Variants in ELP3 observed in about 807,000 individuals in gnomAD.
ELP3 encodes elongator acetyltransferase complex subunit 3.
In ELP3, 56 loss-of-function variants were observed where a neutral mutation model predicts 74.9. That is an observed-to-expected ratio of 0.75 (90% confidence interval 0.60 to 0.93). ELP3 has a LOEUF of 0.93. Ranked by LOEUF, ELP3 falls within the 40% of genes least tolerant of loss-of-function variation. ELP3 has a pLI of 0.00. For missense variants in ELP3, 573 were observed against 686.5 expected (o/e 0.83, Z 1.85); for synonymous variants, 222 against 239.8 (o/e 0.93, Z 0.68).
At chr8:28,172,499 A>T (rs1253779251) in intron 14 of ELP3, among the ~76,000 whole-genome samples, 1 of 152,100 alleles carries the variant, frequency 6.6e-6, no homozygotes, top group Non-Finnish European at 1.5e-5. Flanking sequence ...ATTTTGTATT[A>T]TGCAACTTTG....
upstream of ELP3, among the ~76,000 whole-genome samples, chr8:28,092,119 C>T (rs1811069339): frequency 2.0e-5 from 3 of 152,188 alleles, no homozygotes; most frequent in Admixed American, 6.5e-5. Context: ...TCCCTGTGAG[C>T]AACTCCTCTG....
rs929404859 is a variant in ELP3 at position 28,110,408 on chromosome 8, T to A, written c.432T>A (p.Pro144=). 8 of 1,613,960 alleles carry A rather than the reference T, an allele frequency of 5.0e-6. No individual in the cohort carries two copies. The Admixed American group carries it at 1.2e-4, about 24-fold the overall frequency. Residue 144 remains proline (P), a synonymous_variant, in exon 6 of 15, where the codon CCT becomes CCA. Coordinates refer to ENST00000256398, the MANE Select transcript of ELP3 (RefSeq NM_018091.6). ...SMRAIRARYD[P]FLQTRHRIEQ... is the part of the protein sequence containing the mutation. ...GAGCTATCCGTGCCAGATATGACCCTTTCCTACAGACAAGACACCGAATAG... is the reference window on the plus strand; with the variant it reads ...GAGCTATCCGTGCCAGATATGACCCATTCCTACAGACAAGACACCGAATAG...
At chr8:28,169,741 A>G (rs576043794) in intron 14 of ELP3, among the ~76,000 whole-genome samples, 1 of 152,358 alleles carries the variant, frequency 6.6e-6, no homozygotes, top group South Asian at 2.1e-4. Context: ...CTTTGGCTCA[A>G]CATCTCTAAC....
chr8:28,139,503 C>CT (rs1183539889), intron 10 of ELP3, among the ~76,000 whole-genome samples: 3 of 145,960 alleles, frequency 2.1e-5, no homozygotes, highest in African/African-American at 7.5e-5. Context: ...CAAATTCAAC[C>CT]AACTGCAGAT....
chr8:28,177,851 T>C (rs1814824950), intron 14 of ELP3, among the ~76,000 whole-genome samples: 1 of 152,256 alleles, frequency 6.6e-6, no homozygotes, highest in South Asian at 2.1e-4. Flanking sequence ...TCCAGGCTCC[T>C]AGTACATACT....
At chr8:28,109,739 G>A (rs1811838297) in intron 5 of ELP3, among the ~76,000 whole-genome samples, 2 of 152,168 alleles carry the variant, frequency 1.3e-5, no homozygotes, top group Non-Finnish European at 2.9e-5. Flanking sequence ...CAAAGTTTGT[G>A]TTAAGTACTA....
At chr8:28,116,854 A>C (rs1812159172) in intron 7 of ELP3, among the ~76,000 whole-genome samples, 1 of 152,240 alleles carries the variant, frequency 6.6e-6, no homozygotes, top group African/African-American at 2.4e-5. Flanking sequence ...ACTCTTAATA[A>C]TACTGAAAAA....
intron 13 of ELP3, among the ~76,000 whole-genome samples, chr8:28,161,678 C>A (rs780565859): frequency 1.2e-4 from 18 of 151,330 alleles, no homozygotes; most frequent in Non-Finnish European, 2.5e-4. Flanking sequence ...AGACTTCCAT[C>A]ATTTAGAGAT....
intron 8 of ELP3, among the ~76,000 whole-genome samples, chr8:28,131,005 T>G (rs1812766848): frequency 6.6e-6 from 1 of 152,194 alleles, no homozygotes; most frequent in Non-Finnish European, 1.5e-5. Context: ...GGAGCATATC[T>G]GCAGCTTAGA....
At chr8:28,171,397 T>C (rs1814519401) in intron 14 of ELP3, among the ~76,000 whole-genome samples, 1 of 152,166 alleles carries the variant, frequency 6.6e-6, no homozygotes, top group African/African-American at 2.4e-5. Flanking sequence ...AATGGCATTC[T>C]GTGGGAGGTT....
At chr8:28,148,211 A>G (rs1214826212) in intron 10 of ELP3, among the ~76,000 whole-genome samples, 1 of 152,216 alleles carries the variant, frequency 6.6e-6, no homozygotes, top group African/African-American at 2.4e-5. Flanking sequence ...GTAATACTAC[A>G]ATAGCATTAG....
At chr8:28,102,676 A>G (rs1362278222) in intron 3 of ELP3, among the ~76,000 whole-genome samples, 2 of 152,138 alleles carry the variant, frequency 1.3e-5, no homozygotes, top group African/African-American at 4.8e-5. Context: ...CCCCTACCCC[A>G]GTTTCCCTAT....
intron 1 of ELP3, 133 bp from the exon 2 acceptor site, chr8:28,097,086 T>C: frequency 1.7e-6 from 1 of 591,220 alleles, no homozygotes; most frequent in Non-Finnish European, 3.0e-6. Context: ...AGTAGAGATT[T>C]AGCATCTTCT....
chr8:28,112,230 C>T (rs151285416), intron 6 of ELP3, among the ~76,000 whole-genome samples: 2,782 of 151,992 alleles, frequency 0.018, 53 homozygotes, highest in Non-Finnish European at 0.027. Context: ...CTGCAACCTC[C>T]GCCTCCTGGT....
intron 14 of ELP3, among the ~76,000 whole-genome samples, chr8:28,182,571 C>CA (rs373685412): frequency 6.6e-6 from 1 of 152,104 alleles, no homozygotes; most frequent in Non-Finnish European, 1.5e-5. Flanking sequence ...CAAAAACAAA[C>CA]AAAAAAACCA....
At chr8:28,167,828 T>C (rs371516337) in intron 14 of ELP3, among the ~76,000 whole-genome samples, 3 of 152,252 alleles carry the variant, frequency 2.0e-5, no homozygotes, top group South Asian at 2.1e-4. Flanking sequence ...ATGTTTCTTT[T>C]TTGGTGCATG....
Position 28,129,619 on chromosome 8 carries a change from T to G in ELP3, c.735T>G (p.Ile245Met). ...MLTYGCTRLE[I>M]GVQSVYEDVA... is the part of the protein sequence containing the mutation. ...CCTATGGCTGCACAAGGCTGGAGAT[T>G]GGGGTGCAGAGTGTTTATGAAGATG... is the stretch of plus-strand genomic sequence containing the variant. Residue 245 changes from isoleucine (I) to methionine (M), a missense_variant, in exon 8 of 15, where the codon ATT (isoleucine) becomes ATG (methionine). Physicochemically the swap from Ile to Met is conservative, Grantham distance 10. Coordinates refer to ENST00000256398, the MANE Select transcript of ELP3 (RefSeq NM_018091.6). 1 of 1,614,160 alleles carries G rather than the reference T, an allele frequency of 6.2e-7. No individual in the cohort carries two copies.
intron 10 of ELP3, among the ~76,000 whole-genome samples, chr8:28,148,803 G>A (rs746175434): frequency 6.6e-6 from 1 of 152,126 alleles, no homozygotes; most frequent in Non-Finnish European, 1.5e-5. Context: ...CTAATATTTT[G>A]TTGAGGATTT....
At chr8:28,141,390 G>A (rs1813231698) in intron 10 of ELP3, among the ~76,000 whole-genome samples, 1 of 152,190 alleles carries the variant, frequency 6.6e-6, no homozygotes, top group South Asian at 2.1e-4. Flanking sequence ...ATCTTCAAAA[G>A]TATCAGGATG....
Sources: allele counts gnomAD v4.1 joint callset (sites outside exome capture counted in the v4.1 genomes callset), GRCh38; gene constraint gnomAD v4.1.1; transcripts MANE v1.5; gene names NCBI Gene and HGNC (gene_info 2026-07-23, HGNC 2026-07-21).